MYO16: variants seen among roughly 807,000 people sequenced by gnomAD.
MYO16 encodes unconventional myosin-XVI.
In MYO16, 94 loss-of-function variants were observed where a neutral mutation model predicts 205.3. The observed-to-expected ratio is 0.46, with a 90% CI of 0.39 to 0.54. MYO16 has a LOEUF of 0.54. MYO16 is among the 20% of genes least tolerant of loss of function. The pLI is 0.00. For missense variants in MYO16, 2,315 were observed against 2,387.5 expected, an observed-to-expected ratio of 0.97 and a Z score of 0.63; for synonymous variants, 988 against 954.0, an observed-to-expected ratio of 1.04 and a Z score of -0.66.
chr13:108,643,140 G>T (rs920043877), intron 1 of MYO16, among the ~76,000 whole-genome samples: 2 of 152,180 alleles, frequency 1.3e-5, no homozygotes, highest in Non-Finnish European at 2.9e-5. Flanking sequence ...GAGTTCCCTT[G>T]TGTCCTTTAT....
intron 33 of MYO16, among the ~76,000 whole-genome samples, chr13:109,174,714 C>G (rs967815078): frequency 6.6e-6 from 1 of 152,006 alleles, no homozygotes; most frequent in East Asian, 1.9e-4. Context: ...GTGCCATACC[C>G]CCCTTGAAAG....
chr13:108,783,325 A>T (rs1199886941), intron 4 of MYO16, among the ~76,000 whole-genome samples: 1 of 152,096 alleles, frequency 6.6e-6, no homozygotes, highest in Non-Finnish European at 1.5e-5. Flanking sequence ...GGGCCCTGTA[A>T]CCCCTTTGTT....
At chr13:109,154,153 G>A (rs924756117) in intron 32 of MYO16, among the ~76,000 whole-genome samples, 1 of 152,206 alleles carries the variant, frequency 6.6e-6, no homozygotes, top group Non-Finnish European at 1.5e-5. Flanking sequence ...CAAGGCCTCC[G>A]AGCTCCTGGC....
intron 6 of MYO16, among the ~76,000 whole-genome samples, chr13:108,805,960 A>ATAAATAAATAAC (rs55818251): frequency 6.6e-6 from 1 of 151,654 alleles, no homozygotes; most frequent in Non-Finnish European, 1.5e-5. Context: ...AAATAAATAA[A>ATAAATAAATAAC]ATTAGCTGGG....
chr13:109,180,299 T>G (rs1306549862), intron 34 of MYO16, among the ~76,000 whole-genome samples: 1 of 152,232 alleles, frequency 6.6e-6, no homozygotes, highest in Non-Finnish European at 1.5e-5. Flanking sequence ...GAATTTATAT[T>G]ATAGAATGTA....
the MYO16 span, among the ~76,000 whole-genome samples, chr13:108,519,950 C>A: frequency 1.3e-5 from 2 of 152,152 alleles, no homozygotes; most frequent in African/African-American, 2.4e-5. Flanking sequence ...TATACCATAT[C>A]TAGAGGAAGC....
chr13:109,140,644 T>TCG lies in MYO16; in HGVS notation c.4434_4435dup (p.Pro1479ArgfsTer56). 1 of 1,511,474 alleles carries TCG rather than the reference T, an allele frequency of 6.6e-7. No individual in the cohort carries two copies. The highest frequency in any genetic ancestry group is 8.8e-7 in the Non-Finnish European group (1 of 1,134,114). The allele number at this position is 1,511,474 out of a possible 1,614,324, so 93.6% of individuals were successfully genotyped here. On this transcript the variant is annotated frameshift_variant, in exon 32 of 35. Transcript: ENST00000457511. LOFTEE classifies it high-confidence loss of function. The surrounding 1 kb of genome is among the most constrained non-coding windows in gnomAD (Gnocchi z 8.0). The stretch of plus-strand genomic sequence containing the variant: ...GGGCTCCTTCCTGCTCCACGGCGCA[T>TCG]CGCCGCCCCTGCTCCACCGCGCGCC...
chr13:108,946,432 A>G (rs1273995212), intron 16 of MYO16, among the ~76,000 whole-genome samples: 1 of 152,176 alleles, frequency 6.6e-6, no homozygotes, highest in East Asian at 1.9e-4. Context: ...CTGGGAACCT[A>G]TTGGGTAAAA....
intron 4 of MYO16, among the ~76,000 whole-genome samples, chr13:108,758,947 C>T (rs1258393857): frequency 1.3e-5 from 2 of 152,046 alleles, no homozygotes; most frequent in Non-Finnish European, 2.9e-5. Context: ...AATATTGTAT[C>T]TATTACAACT....
Position 109,140,642 on chromosome 13 carries a change from C to A in MYO16, c.4430C>A (p.Ala1477Glu). ...PGAGSFLLHG[A>E]SPPLLHRAPE... is the part of the protein sequence containing the mutation. Reference sequence around the variant, plus strand: ...GCGGGCTCCTTCCTGCTCCACGGCGCATCGCCGCCCCTGCTCCACCGCGCG... The same window carrying A: ...GCGGGCTCCTTCCTGCTCCACGGCGAATCGCCGCCCCTGCTCCACCGCGCG... The change falls in exon 32 of 35, where the codon GCA becomes GAA. Residue 1477 changes from alanine (A) to glutamate (E), a missense_variant. Around this residue, in one of 3 missense-constraint regions of MYO16, gnomAD observed 1,097 missense variants for 1,092.0 expected, o/e 1.00. Coordinates refer to ENST00000457511, the MANE Select transcript of MYO16 (RefSeq NM_001198950.3). The surrounding 1 kb of genome is among the most constrained non-coding windows in gnomAD (Gnocchi z 8.0). 3 of 1,513,148 alleles carry A rather than the reference C, an allele frequency of 2.0e-6. No homozygotes were observed. Among genetic ancestry groups the A allele is most frequent in the Non-Finnish European group, 2.6e-6 (3 of 1,134,902 alleles). 93.7% of individuals were successfully genotyped at this position (1,513,148 alleles called of 1,614,324 possible).
At chr13:108,709,145 T>C (rs1883628315) in intron 2 of MYO16, among the ~76,000 whole-genome samples, 1 of 152,172 alleles carries the variant, frequency 6.6e-6, no homozygotes, top group Non-Finnish European at 1.5e-5. Flanking sequence ...CAGATGGCTG[T>C]TTTCCTTAGG....
At chr13:109,092,410 A>C (rs1683239452) in intron 27 of MYO16, among the ~76,000 whole-genome samples, 1 of 152,202 alleles carries the variant, frequency 6.6e-6, no homozygotes, top group Admixed American at 6.5e-5. Flanking sequence ...CATAAAAAAG[A>C]ATGAGGTCAT....
chr13:108,744,098 C>G (rs1406046814), intron 4 of MYO16, among the ~76,000 whole-genome samples: 1 of 152,232 alleles, frequency 6.6e-6, no homozygotes, highest in African/African-American at 2.4e-5. Context: ...ACCTGAATAT[C>G]AACTTTTCAT....
intron 3 of MYO16, among the ~76,000 whole-genome samples, chr13:108,724,172 G>A (rs180809942): frequency 3.3e-5 from 5 of 152,164 alleles, no homozygotes; most frequent in Admixed American, 3.3e-4. Flanking sequence ...TTTCAAATTT[G>A]CTATCTTAAT....
At chr13:108,894,119 C>T (rs1191248038) in intron 14 of MYO16, among the ~76,000 whole-genome samples, 4 of 152,088 alleles carry the variant, frequency 2.6e-5, no homozygotes, top group Admixed American at 6.5e-5. Context: ...AGAGAGCATG[C>T]GCAGGGGAAA....
At chr13:109,022,948 T>A (rs1886141164) in intron 23 of MYO16, among the ~76,000 whole-genome samples, 1 of 135,122 alleles carries the variant, frequency 7.4e-6, no homozygotes, top group South Asian at 2.3e-4. Flanking sequence ...AATATATGTA[T>A]ACATTTATAT....
intron 28 of MYO16, among the ~76,000 whole-genome samples, chr13:109,113,522 A>G (rs976116266): frequency 6.6e-6 from 1 of 152,246 alleles, no homozygotes; most frequent in Non-Finnish European, 1.5e-5. Context: ...CACGCTGAAT[A>G]TAGTTTAAAA....
At chr13:108,558,851 A>G in the MYO16 span, among the ~76,000 whole-genome samples, 1 of 152,020 alleles carries the variant, frequency 6.6e-6, no homozygotes, top group Non-Finnish European at 1.5e-5. Flanking sequence ...GACCTTTTGT[A>G]TTATTTTCAT....
chr13:108,719,503 C>G (rs1884078721), intron 3 of MYO16, among the ~76,000 whole-genome samples: 1 of 151,914 alleles, frequency 6.6e-6, no homozygotes, highest in Non-Finnish European at 1.5e-5. Flanking sequence ...CCCATCTCAG[C>G]TTTCTGCCTG....
Sources: allele counts gnomAD v4.1 joint callset (sites outside exome capture counted in the v4.1 genomes callset), GRCh38; gene constraint gnomAD v4.1.1; regional missense constraint gnomAD v4.1.1; non-coding constraint Gnocchi (gnomAD v3.1); transcripts MANE v1.5; gene names NCBI Gene and HGNC (gene_info 2026-07-23, HGNC 2026-07-21).